The following CREB5 variants were observed in gnomAD, a reference collection of about 807,000 sequenced individuals.
CREB5 encodes cyclic AMP-responsive element-binding protein 5.
In CREB5, 19 loss-of-function variants were observed where a neutral mutation model predicts 57.1. The observed-to-expected ratio is 0.33, with a 90% CI of 0.23 to 0.49. The LOEUF is 0.49. Among genes scored for constraint, CREB5 ranks in the 20% least tolerant of loss-of-function variants. The pLI is 0.99. For missense variants in CREB5, 579 were observed against 671.6 expected (o/e 0.86, Z 1.52); for synonymous variants, 238 against 238.3 (o/e 1.00, Z 0.01).
At chr7:28,428,068 A>G (rs1481095436) in intron 1 of CREB5, among the ~76,000 whole-genome samples, 1 of 152,238 alleles carries the variant, frequency 6.6e-6, no homozygotes, top group Non-Finnish European at 1.5e-5. Context: ...GGACTTTCAG[A>G]TAAGGTGACA....
In CREB5 at chr7:28,507,726, A is replaced by G; in HGVS notation, c.280A>G (p.Ser94Gly). The change falls in exon 4 of 11, where the codon AGC (serine) becomes GGC (glycine). Residue 94 changes from serine (S) to glycine (G), a missense_variant. Ser to Gly is a moderately conservative substitution (Grantham distance 56). Coordinates refer to ENST00000357727, the MANE Select transcript of CREB5 (RefSeq NM_182898.4). ...GTTCAGGAAGGCTCAGGAAGAGGAGAGCAGCAAGCGGGTAGGTTTGCTTGG... is the reference window on the plus strand; with the variant it reads ...GTTCAGGAAGGCTCAGGAAGAGGAGGGCAGCAAGCGGGTAGGTTTGCTTGG... ...HEFRKAQEEESSKRNISMHNA... is the reference protein window; with the variant it reads ...HEFRKAQEEEGSKRNISMHNA... 6.2e-7 allele frequency: 1 copy of G among 1,604,966 alleles called. No individual in the cohort carries two copies. The highest frequency in any genetic ancestry group is 1.1e-5 in the South Asian group (1 of 90,402).
intron 9 of CREB5, among the ~76,000 whole-genome samples, chr7:28,811,682 A>G (rs942780495): frequency 3.3e-5 from 5 of 152,208 alleles, no homozygotes. Context: ...AGCATTTTTA[A>G]CATTAATAAT....
At chr7:28,608,113 T>TCTCTCACACACA (rs1484747649) in intron 5 of CREB5, among the ~76,000 whole-genome samples, 1 of 143,066 alleles carries the variant, frequency 7.0e-6, no homozygotes, top group African/African-American at 2.7e-5. Flanking sequence ...TCTCTCTCTC[T>TCTCTCACACACA]CACACACACT....
intron 5 of CREB5, among the ~76,000 whole-genome samples, chr7:28,635,297 T>C (rs1184171716): frequency 6.6e-6 from 1 of 152,194 alleles, no homozygotes; most frequent in Non-Finnish European, 1.5e-5. Context: ...GGTTTTCAAT[T>C]TGGCACATTA....
intron 5 of CREB5, among the ~76,000 whole-genome samples, chr7:28,611,633 G>A (rs1436527973): frequency 3.3e-5 from 5 of 150,554 alleles, no homozygotes; most frequent in Admixed American, 1.3e-4. Context: ...CTGAGATTGC[G>A]CCACTGCACT....
At chr7:28,631,722 A>G (rs1198343436) in intron 5 of CREB5, among the ~76,000 whole-genome samples, 1 of 152,174 alleles carries the variant, frequency 6.6e-6, no homozygotes, top group Non-Finnish European at 1.5e-5. Flanking sequence ...CTTGCAGTCA[A>G]GTAAGGAAGC....
chr7:28,561,972 C>G (rs1795290199), intron 4 of CREB5, among the ~76,000 whole-genome samples: 1 of 152,190 alleles, frequency 6.6e-6, no homozygotes, highest in African/African-American at 2.4e-5. Flanking sequence ...TCTTGAAGTC[C>G]TAACTTCAGG....
chr7:28,565,907 C>T (rs1056765122), intron 4 of CREB5, among the ~76,000 whole-genome samples: 7 of 152,086 alleles, frequency 4.6e-5, no homozygotes, highest in Non-Finnish European at 8.8e-5. Flanking sequence ...GGTGACAGAG[C>T]GAGACTCTGT....
chr7:28,660,174 C>T (rs957358834), intron 5 of CREB5, among the ~76,000 whole-genome samples: 1 of 152,068 alleles, frequency 6.6e-6, no homozygotes, highest in Non-Finnish European at 1.5e-5. Context: ...TATAGCTTAT[C>T]TATAAAAACA....
intron 5 of CREB5, among the ~76,000 whole-genome samples, chr7:28,622,463 C>A (rs181474685): frequency 3.3e-5 from 5 of 152,044 alleles, no homozygotes; most frequent in African/African-American, 1.2e-4. Flanking sequence ...CATGCAAAGG[C>A]GTAGAAAGAA....
At chr7:28,818,642 C>T (rs1205973595) in intron 10 of CREB5, 1 of 424,856 alleles carries the variant, frequency 2.4e-6, no homozygotes, top group Non-Finnish European at 4.7e-6. Context: ...TGATCCCTTC[C>T]TTCAGACCCC....
chr7:28,400,908 G>A (rs1439588425), intron 1 of CREB5, among the ~76,000 whole-genome samples: 1 of 152,088 alleles, frequency 6.6e-6, no homozygotes, highest in Non-Finnish European at 1.5e-5. Context: ...ATTAATTTAT[G>A]GGATATCAAT....
rs1425535121 is a variant in CREB5, at chr7:28,300,061, T to C, written c.-25+620T>C. 6.5e-3 allele frequency among the ~76,000 whole-genome samples: 266 copies of C among 40,930 alleles called. 3 individuals carry two copies. The Middle Eastern group carries it at 0.089, about 14-fold the overall frequency. 26.9% of individuals were successfully genotyped at this position (40,930 alleles called of 152,430 possible). ...ATACTGCTTTTTAGCTTTATTTATTTATTTATTTATTTATTTATTTATTTA... is the reference window on the plus strand; with the variant it reads ...ATACTGCTTTTTAGCTTTATTTATTCATTTATTTATTTATTTATTTATTTA... On this transcript the variant is annotated intron_variant, in intron 1 of 9. Coordinates refer to the CREB5 transcript ENST00000396299.
At chr7:28,534,753 T>C (rs1793886430) in intron 4 of CREB5, among the ~76,000 whole-genome samples, 3 of 142,324 alleles carry the variant, frequency 2.1e-5, no homozygotes, top group Admixed American at 1.4e-4. Flanking sequence ...GTAGTGCTTA[T>C]AGAAATTAAT....
chr7:28,598,540 G>A (rs1306783604), intron 5 of CREB5, among the ~76,000 whole-genome samples: 1 of 152,126 alleles, frequency 6.6e-6, no homozygotes. Flanking sequence ...AAGAATTATA[G>A]CAGCTTTTCA....
chr7:28,671,577 C>T (rs568955485), intron 5 of CREB5, among the ~76,000 whole-genome samples: 3 of 152,192 alleles, frequency 2.0e-5, no homozygotes, highest in Non-Finnish European at 2.9e-5. Flanking sequence ...GTTGCTTAGT[C>T]GCCAGTCAAC....
rs189660012 is a variant in CREB5, at chr7:28,694,324, G to A, written c.465-24429G>A. The stretch of plus-strand genomic sequence containing the variant: ...TTCGCCTTTAGTTTTGCTCTCACCA[G>A]CATCCACCCTAATATGGATCATGCA... On this transcript the variant is annotated intron_variant, in intron 5 of 10. Transcript: ENST00000357727. Among the ~76,000 whole-genome samples, 253 of 152,112 alleles carry A rather than the reference G, an allele frequency of 1.7e-3. 1 individual carries two copies. Among genetic ancestry groups the A allele is most frequent in the African/African-American group, 5.8e-3 (241 of 41,470 alleles).
At chr7:28,331,273 G>A (rs1199404702) in intron 1 of CREB5, among the ~76,000 whole-genome samples, 3 of 151,874 alleles carry the variant, frequency 2.0e-5, no homozygotes, top group Non-Finnish European at 4.4e-5. Flanking sequence ...CAATACCATA[G>A]TTTGGTGTTC....
chr7:28,377,931 C>CAAAAA lies in CREB5; in HGVS notation c.-25+78500_-25+78504dup, dbSNP rs57930477. 1.8e-4 allele frequency among the ~76,000 whole-genome samples: 20 copies of CAAAAA among 112,370 alleles called. 3 individuals are homozygous for CAAAAA. Among genetic ancestry groups the CAAAAA allele is most frequent in the East Asian group, 5.7e-4 (2 of 3,504 alleles). 73.7% of individuals were successfully genotyped at this position (112,370 alleles called of 152,430 possible). A position where few individuals can be genotyped will look rare whatever the true frequency, so the allele number is the denominator to read the frequency against. ...TGGGAGACAGAGCGAGACTCTATCT[C>CAAAAA]AAAAAAAAAAAAAACAAAAAAGAAA... On this transcript the variant is annotated intron_variant, in intron 1 of 9. Transcript: ENST00000396299.
Sources: allele counts gnomAD v4.1 joint callset (sites outside exome capture counted in the v4.1 genomes callset), GRCh38; gene constraint gnomAD v4.1.1; transcripts MANE v1.5; gene names NCBI Gene and HGNC (gene_info 2026-07-23, HGNC 2026-07-21).